Variants in EYS observed in about 807,000 individuals in gnomAD.
The protein encoded by EYS is protein eyes shut homolog.
Under a neutral mutation model 282.1 loss-of-function variants are expected in EYS, and 250 were observed. That is an observed-to-expected ratio of 0.89 (90% CI 0.80 to 0.98). The LOEUF is 0.98. Among genes scored for constraint, EYS ranks in the 50% least tolerant of loss-of-function variants. EYS has a pLI of 0.00. For missense variants in EYS, 4,016 were observed against 3,709.0 expected (o/e 1.08, Z -2.15); for synonymous variants, 1,355 against 1,282.9 (o/e 1.06, Z -1.20).
intron 41 of EYS, among the ~76,000 whole-genome samples, chr6:63,756,038 A>G (rs976216224): frequency 3.3e-5 from 5 of 152,156 alleles, no homozygotes; most frequent in South Asian, 2.1e-4. Flanking sequence ...GGCTGAGACA[A>G]TGGGGTTTTC....
chr6:64,405,478 G>T (rs1030722633), intron 28 of EYS, among the ~76,000 whole-genome samples: 1 of 152,036 alleles, frequency 6.6e-6, no homozygotes, highest in African/African-American at 2.4e-5. Context: ...GTTCTGGCCC[G>T]GCAATCAAGC....
chr6:65,335,184 C>T lies in EYS; in HGVS notation c.1600-38G>A, dbSNP rs1502965. 1,383,070 of 1,387,664 alleles carry T rather than the reference C, an allele frequency of 1. 689,341 individuals are homozygous for T. Among genetic ancestry groups the T allele is most frequent in the East Asian group, 1 (43,542 of 43,542 alleles). 86.0% of individuals were successfully genotyped at this position (1,387,664 alleles called of 1,614,324 possible). ...AAGAAGTAAAAATGTTATGAATTCCCATCACTTACTACAATATTACAATTG... is the reference window on the plus strand; with the variant it reads ...AAGAAGTAAAAATGTTATGAATTCCTATCACTTACTACAATATTACAATTG... On this transcript the variant is annotated intron_variant, in intron 10 of 42. Transcript: ENST00000503581.
chr6:64,036,227 A>T (rs912721381), intron 33 of EYS, among the ~76,000 whole-genome samples: 1 of 152,290 alleles, frequency 6.6e-6, no homozygotes, highest in South Asian at 2.1e-4. Context: ...AACTTAAAGT[A>T]TAATAGAAAA....
chr6:65,469,705 C>A (rs1765137948), intron 5 of EYS, among the ~76,000 whole-genome samples: 1 of 151,890 alleles, frequency 6.6e-6, no homozygotes, highest in African/African-American at 2.4e-5. Context: ...GAATACCATT[C>A]AGCTCTTTTT....
At position 63,766,850 on chromosome 6, in the gene EYS, G is replaced by A. The variant is rs150073182; in HGVS notation, c.7899-4217C>T. 3.8e-4 allele frequency among the ~76,000 whole-genome samples: 57 copies of A among 151,944 alleles called. 1 individual carries two copies. In the East Asian group the frequency reaches 0.011, roughly 28 times the overall value. On this transcript the variant is annotated intron_variant, in intron 40 of 42. Coordinates refer to ENST00000503581, the MANE Select transcript of EYS (RefSeq NM_001142800.2). Reference sequence around the variant, plus strand: ...TGTTGTTAGTGAAATAGGGACAACTGGATAGCAATATAGTAAAGGGAAAAC... The same window carrying A: ...TGTTGTTAGTGAAATAGGGACAACTAGATAGCAATATAGTAAAGGGAAAAC...
intron 33 of EYS, among the ~76,000 whole-genome samples, chr6:64,043,059 T>A (rs966855703): frequency 6.6e-6 from 1 of 152,176 alleles, no homozygotes; most frequent in Non-Finnish European, 1.5e-5. Flanking sequence ...TCTTATAGAG[T>A]TGTTATGATG....
intron 1 of EYS, among the ~76,000 whole-genome samples, chr6:65,649,858 A>G (rs1396704752): frequency 6.6e-6 from 1 of 152,212 alleles, no homozygotes; most frequent in Middle Eastern, 3.2e-3. Context: ...AATGGGTGAA[A>G]GAAAACACAT....
chr6:64,094,824 T>C (rs961769559), intron 31 of EYS, among the ~76,000 whole-genome samples: 5 of 152,214 alleles, frequency 3.3e-5, no homozygotes, highest in African/African-American at 4.8e-5. Flanking sequence ...CTTGCTTCTC[T>C]AGTTCTTGTA....
At chr6:64,344,041 C>T (rs1331569026) in intron 29 of EYS, among the ~76,000 whole-genome samples, 2 of 151,806 alleles carry the variant, frequency 1.3e-5, no homozygotes, top group South Asian at 2.1e-4. Context: ...CAATAACAGG[C>T]TCTGAAATTG....
chr6:63,973,509 T>C (rs1310706348), intron 35 of EYS, among the ~76,000 whole-genome samples: 1 of 152,164 alleles, frequency 6.6e-6, no homozygotes, highest in East Asian at 1.9e-4. Flanking sequence ...ATCCTGTCTT[T>C]ATTATTAGTG....
At chr6:64,876,518 G>A (rs141604497) in intron 19 of EYS, among the ~76,000 whole-genome samples, 3,282 of 152,106 alleles carry the variant, frequency 0.022, 64 homozygotes, top group Middle Eastern at 0.065. Flanking sequence ...CACTCTTGTA[G>A]GTACTGCAAT....
Position 65,472,277 on chromosome 6 carries a change from T to C in EYS, c.862+18317A>G, listed in dbSNP as rs1765244344. ...GAAAGCCATTTATGTCTGGTAAACA[T>C]AACCATCATGGAAGAATATGGGTAT... On this transcript the variant is annotated intron_variant, in intron 5 of 42. Transcript: ENST00000503581. Among the ~76,000 whole-genome samples, 3 of 152,132 alleles carry C rather than the reference T, an allele frequency of 2.0e-5. No individual in the cohort carries two copies. The South Asian group carries it at 6.2e-4, about 32-fold the overall frequency.
At chr6:64,885,897 G>A (rs1042546714) in intron 19 of EYS, among the ~76,000 whole-genome samples, 16 of 151,708 alleles carry the variant, frequency 1.1e-4, no homozygotes, top group Non-Finnish European at 1.0e-4. Flanking sequence ...CCTGCTGGCA[G>A]AGAACCTAAT....
chr6:64,645,567 A>G lies in EYS; in HGVS notation c.3444-19322T>C, dbSNP rs147531031. Among the ~76,000 whole-genome samples the G allele has an allele frequency of 5.1e-3, 772 of 152,338 alleles. 5 individuals carry two copies. Among genetic ancestry groups the G allele is most frequent in the Middle Eastern group, 0.01 (3 of 294 alleles). ...GATGAGTAAGATCACTGAGAATTAG[A>G]TATGTGACCTTGGTAAATGACAGAT... is the stretch of plus-strand genomic sequence containing the variant. On this transcript the variant is annotated intron_variant, in intron 22 of 42. Coordinates refer to ENST00000503581, the MANE Select transcript of EYS (RefSeq NM_001142800.2).
chr6:64,061,470 C>T (rs1458059072), intron 33 of EYS, among the ~76,000 whole-genome samples: 1 of 152,156 alleles, frequency 6.6e-6, no homozygotes, highest in Non-Finnish European at 1.5e-5. Flanking sequence ...GTGATCTCTG[C>T]TCCATTTCAT....
At chr6:63,925,405 A>G (rs1264416450) in intron 35 of EYS, among the ~76,000 whole-genome samples, 1 of 152,242 alleles carries the variant, frequency 6.6e-6, no homozygotes, top group African/African-American at 2.4e-5. Context: ...GCATTCTTAC[A>G]TGAAAATTCA....
At chr6:65,544,575 C>A (rs150098329) in intron 2 of EYS, among the ~76,000 whole-genome samples, 1 of 152,056 alleles carries the variant, frequency 6.6e-6, no homozygotes, top group Admixed American at 6.6e-5. Context: ...CTTCCCCTTC[C>A]GCCATGATTG....
intron 30 of EYS, among the ~76,000 whole-genome samples, chr6:64,303,078 T>A (rs969660257): frequency 3.3e-5 from 5 of 152,104 alleles, no homozygotes; most frequent in African/African-American, 1.2e-4. Context: ...GACACACACA[T>A]CATTCACTCC....
intron 31 of EYS, among the ~76,000 whole-genome samples, chr6:64,107,712 G>A (rs1440324812): frequency 6.6e-6 from 1 of 151,964 alleles, no homozygotes; most frequent in Non-Finnish European, 1.5e-5. Flanking sequence ...TTGCCTCCTA[G>A]TATTCCTCAT....
Sources: allele counts gnomAD v4.1 joint callset (sites outside exome capture counted in the v4.1 genomes callset), GRCh38; gene constraint gnomAD v4.1.1; transcripts MANE v1.5; gene names NCBI Gene and HGNC (gene_info 2026-07-23, HGNC 2026-07-21).